SRGAP3: variants seen among roughly 807,000 people sequenced by gnomAD.
The protein encoded by SRGAP3 is SLIT-ROBO Rho GTPase activating protein 3.
In SRGAP3, 39 loss-of-function variants were observed where a neutral mutation model predicts 121.1. That is an observed-to-expected ratio of 0.32 (90% CI 0.25 to 0.42). The LOEUF (loss-of-function observed/expected upper bound fraction) is 0.42. Ranked by LOEUF, SRGAP3 falls within the 10% of genes least tolerant of loss-of-function variation. The pLI is 1.00. For synonymous variants in SRGAP3, 601 were observed against 570.0 expected (o/e 1.05, Z -0.77); for missense variants, 1,213 against 1,470.6 (o/e 0.82, Z 2.86).
Position 8,985,237 on chromosome 3 carries a change from A to C in SRGAP3, c.*282T>G. The C allele has an allele frequency of 5.8e-6, 3 of 521,072 alleles. No homozygotes were observed. Among genetic ancestry groups the C allele is most frequent in the East Asian group, 3.5e-5 (1 of 28,568 alleles). The allele number at this position is 521,072 out of a possible 1,614,324, so 32.3% of individuals were successfully genotyped here. A position where few individuals can be genotyped will look rare whatever the true frequency, so the allele number is the denominator to read the frequency against. Reference sequence around the variant, plus strand: ...CCAGTGACGATATGCGGGAGAAGCCATGTGGTATTTTGCCTCCATGTTAGG... The same window carrying C: ...CCAGTGACGATATGCGGGAGAAGCCCTGTGGTATTTTGCCTCCATGTTAGG... On this transcript the variant is annotated 3_prime_UTR_variant, in exon 22 of 22. Coordinates refer to ENST00000383836, the MANE Select transcript of SRGAP3 (RefSeq NM_014850.4). The surrounding 1 kb of genome is among the most constrained non-coding windows in gnomAD (Gnocchi z 5.1).
At chr3:9,055,764 T>A (rs1471024735) in intron 8 of SRGAP3, among the ~76,000 whole-genome samples, 1 of 152,310 alleles carries the variant, frequency 6.6e-6, no homozygotes, top group East Asian at 1.9e-4. Flanking sequence ...AACCCAAACA[T>A]AGCAACTAAT....
intron 1 of SRGAP3, among the ~76,000 whole-genome samples, chr3:9,141,551 GGGGTGTGTGTGTGTGT>G (rs1293712736): frequency 2.6e-5 from 3 of 117,596 alleles, no homozygotes; most frequent in African/African-American, 1.2e-4. Flanking sequence ...TCTGACTTCA[GGGGTGTGTGTGTGTGT>G]GTGTGTGTGT....
At chr3:9,327,648 G>C (rs185288177) in intron 2 of SRGAP3, among the ~76,000 whole-genome samples, 10 of 152,302 alleles carry the variant, frequency 6.6e-5, no homozygotes, top group Admixed American at 6.5e-4. Flanking sequence ...ACTCTTTCCA[G>C]CATCTAACTC....
chr3:9,320,556 T>C (rs1955423114), intron 3 of SRGAP3, among the ~76,000 whole-genome samples: 1 of 151,980 alleles, frequency 6.6e-6, no homozygotes, highest in Non-Finnish European at 1.5e-5. Flanking sequence ...TCCGCCATGA[T>C]TGGAAGCTTC....
chr3:9,154,478 A>G (rs1477385459), intron 1 of SRGAP3, among the ~76,000 whole-genome samples: 3 of 150,230 alleles, frequency 2.0e-5, no homozygotes, highest in Non-Finnish European at 4.4e-5. Flanking sequence ...TTCCCAAGAC[A>G]TTGCAGCTTC....
In SRGAP3 at chr3:9,013,318, C is replaced by T; in HGVS notation, c.2137G>A (p.Glu713Lys). The change falls in exon 17 of 22, where the codon GAA becomes AAA. Residue 713 changes from glutamate to lysine, a missense_variant. This residue lies in a region of SRGAP3 where 793 missense variants were observed against 1,032.9 expected (regional missense o/e 0.77). Transcript: ENST00000383836. ...GGAATGGCATCTTACCAATATTCTT[C>T]CCCTCCAGCCATGCATTTTTCATAC... Reference protein sequence around the residue: ...PVYEKCMAGGEEYCDSPHSEP... With the variant: ...PVYEKCMAGGKEYCDSPHSEP... 3 of 1,614,008 alleles carry T rather than the reference C, an allele frequency of 1.9e-6. No individual in the cohort carries two copies. The highest frequency in any genetic ancestry group is 2.5e-6 in the Non-Finnish European group (3 of 1,179,908).
intron 1 of SRGAP3, among the ~76,000 whole-genome samples, chr3:9,201,021 T>C (rs1159270912): frequency 6.6e-6 from 1 of 152,146 alleles, no homozygotes; most frequent in African/African-American, 2.4e-5. Context: ...TGTTGGCACC[T>C]CCCTCAAGCC....
intron 3 of SRGAP3, among the ~76,000 whole-genome samples, chr3:9,088,487 TTC>T (rs1947594570): frequency 6.6e-6 from 1 of 152,122 alleles, no homozygotes; most frequent in South Asian, 2.1e-4. Context: ...GGGCCAGGCA[TTC>T]TCTGTCCTGT....
At chr3:9,232,757 G>C (rs1204806493) in intron 1 of SRGAP3, among the ~76,000 whole-genome samples, 1 of 152,170 alleles carries the variant, frequency 6.6e-6, no homozygotes, top group Non-Finnish European at 1.5e-5. Context: ...CAGAGATTCT[G>C]ATTCAGTAGG....
chr3:9,252,956 C>T (rs1464015699), upstream of SRGAP3, among the ~76,000 whole-genome samples: 1 of 152,070 alleles, frequency 6.6e-6, no homozygotes, highest in Non-Finnish European at 1.5e-5. Context: ...TTCCTTGGGG[C>T]TCATCTCCTG....
chr3:9,246,359 T>C (rs997217203), intron 1 of SRGAP3, among the ~76,000 whole-genome samples: 2 of 152,194 alleles, frequency 1.3e-5, no homozygotes, highest in Non-Finnish European at 2.9e-5. Flanking sequence ...TCAAATGTTC[T>C]TCAGAGGCAT....
chr3:9,021,091 C>T (rs903674367), intron 14 of SRGAP3, among the ~76,000 whole-genome samples: 8 of 152,206 alleles, frequency 5.3e-5, no homozygotes, highest in Non-Finnish European at 8.8e-5. Context: ...TCGAGCCCCT[C>T]GACATGACAA....
chr3:9,281,958 G>C (rs1214507225), intron 3 of SRGAP3, among the ~76,000 whole-genome samples: 1 of 152,184 alleles, frequency 6.6e-6, no homozygotes, highest in Non-Finnish European at 1.5e-5. Context: ...GAGCCACTGT[G>C]CTCAACCTGA....
At chr3:9,025,401 A>T (rs1574931518) in intron 13 of SRGAP3, 63 bp from the exon 14 acceptor site, 1 of 1,526,208 alleles carries the variant, frequency 6.6e-7, no homozygotes, top group East Asian at 2.2e-5. Context: ...TCATTAGACT[A>T]CCGGGAATAT....
intron 1 of SRGAP3, among the ~76,000 whole-genome samples, chr3:9,224,459 C>T (rs986128509): frequency 6.6e-6 from 1 of 152,128 alleles, no homozygotes; most frequent in Non-Finnish European, 1.5e-5. Flanking sequence ...CCCATCTTCT[C>T]CCCCCATGCA....
chr3:9,127,622 T>C (rs1347166676), intron 1 of SRGAP3, among the ~76,000 whole-genome samples: 1 of 152,206 alleles, frequency 6.6e-6, no homozygotes, highest in Non-Finnish European at 1.5e-5. Context: ...TAGTTTTTTG[T>C]ATTTTTAGTA....
chr3:8,996,667 C>T (rs1315215711), intron 18 of SRGAP3, among the ~76,000 whole-genome samples: 1 of 152,172 alleles, frequency 6.6e-6, no homozygotes, highest in South Asian at 2.1e-4. Flanking sequence ...GATCTTGGTC[C>T]CTCTCTCTGC....
intron 1 of SRGAP3, among the ~76,000 whole-genome samples, chr3:9,334,110 T>C (rs886104875): frequency 2.0e-5 from 3 of 152,160 alleles, no homozygotes; most frequent in Non-Finnish European, 2.9e-5. Context: ...CACAGGATGA[T>C]TGCTGTAAGA....
chr3:9,081,809 T>G (rs1204041784), intron 3 of SRGAP3, among the ~76,000 whole-genome samples: 1 of 152,214 alleles, frequency 6.6e-6, no homozygotes, highest in African/African-American at 2.4e-5. Context: ...TATTTATGAT[T>G]GTGATTATGA....
Sources: allele counts gnomAD v4.1 joint callset (sites outside exome capture counted in the v4.1 genomes callset), GRCh38; gene constraint gnomAD v4.1.1; regional missense constraint gnomAD v4.1.1; non-coding constraint Gnocchi (gnomAD v3.1); transcripts MANE v1.5; gene names NCBI Gene and HGNC (gene_info 2026-07-23, HGNC 2026-07-21).